Variants in ANKRD11 observed in about 807,000 individuals in gnomAD.
ANKRD11 encodes the protein ankyrin repeat domain-containing protein 11.
A neutral mutation model predicts 195.7 loss-of-function variants in ANKRD11; 17 were observed. That is an observed-to-expected ratio of 0.09 (90% confidence interval 0.06 to 0.13). The LOEUF (loss-of-function observed/expected upper bound fraction) is 0.13, where lower values mean the gene tolerates loss of function less well. ANKRD11 is among the 10% of genes least tolerant of loss of function. The pLI, the probability that ANKRD11 is intolerant of heterozygous loss-of-function variation, is 1.00. For synonymous variants in ANKRD11, 1,953 were observed against 1,528.1 expected (o/e 1.28, Z -6.49); for missense variants, 3,735 against 3,566.1 (o/e 1.05, Z -1.21).
At chr16:89,269,875 T>A (rs2151669576) in intron 12 of ANKRD11, 1 of 152,286 alleles carries the variant, frequency 6.6e-6, no homozygotes, top group Non-Finnish European at 1.5e-5. Flanking sequence ...GGATTACAGG[T>A]GTGAGCAACC....
At chr16:89,375,881 G>A (rs1263571761) in intron 2 of ANKRD11, among the ~76,000 whole-genome samples, 2 of 151,336 alleles carry the variant, frequency 1.3e-5, no homozygotes, top group African/African-American at 2.4e-5. Context: ...TGCCACTAGC[G>A]ATGCTGGCAG....
chr16:89,313,456 T>G (rs1428539626), intron 3 of ANKRD11: 49 of 1,289,186 alleles, frequency 3.8e-5, no homozygotes, highest in Non-Finnish European at 4.9e-5. Flanking sequence ...CCTGCCACTG[T>G]GCTCACTGGT....
At chr16:89,411,140 G>A (rs1392416939) in intron 2 of ANKRD11, among the ~76,000 whole-genome samples, 2 of 152,274 alleles carry the variant, frequency 1.3e-5, no homozygotes, top group African/African-American at 2.4e-5. Flanking sequence ...CAGCAGCACA[G>A]GGGCTCGGGC....
intron 4 of ANKRD11, among the ~76,000 whole-genome samples, chr16:89,302,488 T>A (rs1371895661): frequency 6.6e-6 from 1 of 152,168 alleles, no homozygotes; most frequent in Non-Finnish European, 1.5e-5. Context: ...CCTGACCTTG[T>A]GATCTGCCCG....
At chr16:89,405,334 CTG>C (rs1434264649) in intron 2 of ANKRD11, among the ~76,000 whole-genome samples, 1 of 152,048 alleles carries the variant, frequency 6.6e-6, no homozygotes, top group African/African-American at 2.4e-5. Flanking sequence ...ACATAGGTAA[CTG>C]TTTTTGAGAC....
intron 2 of ANKRD11, among the ~76,000 whole-genome samples, chr16:89,320,582 A>G (rs2037253462): frequency 1.3e-5 from 2 of 152,134 alleles, no homozygotes; most frequent in Admixed American, 1.3e-4. Context: ...CAACCGTCCC[A>G]GCTTCGTGGA....
intron 2 of ANKRD11, among the ~76,000 whole-genome samples, chr16:89,330,363 A>G (rs2037982365): frequency 6.6e-6 from 1 of 151,910 alleles, no homozygotes; most frequent in African/African-American, 2.4e-5. Context: ...GTGCTAGGGG[A>G]GCCAGTGGAG....
At chr16:89,426,200 A>C (rs188394551) in intron 1 of ANKRD11, among the ~76,000 whole-genome samples, 1 of 152,180 alleles carries the variant, frequency 6.6e-6, no homozygotes, top group Non-Finnish European at 1.5e-5. Flanking sequence ...ATACACAGCT[A>C]TAACAAAAAA....
At chr16:89,308,163 T>G (rs961633171) in intron 3 of ANKRD11, among the ~76,000 whole-genome samples, 1 of 152,114 alleles carries the variant, frequency 6.6e-6, no homozygotes, top group Non-Finnish European at 1.5e-5. Flanking sequence ...TAAACCAACA[T>G]ACCTTATGAA....
intron 9 of ANKRD11, among the ~76,000 whole-genome samples, chr16:89,275,918 C>T (rs1045301694): frequency 6.6e-6 from 1 of 152,198 alleles, no homozygotes; most frequent in African/African-American, 2.4e-5. Flanking sequence ...CTGAGCCCCG[C>T]AGTGCAGCAG....
At chr16:89,365,566 G>C (rs1016630788) in intron 2 of ANKRD11, among the ~76,000 whole-genome samples, 1 of 152,178 alleles carries the variant, frequency 6.6e-6, no homozygotes, top group Admixed American at 6.5e-5. Context: ...ATATTTCCAA[G>C]CTCTTATGTC....
intron 2 of ANKRD11, among the ~76,000 whole-genome samples, chr16:89,341,901 C>T (rs1567673630): frequency 7.5e-6 from 1 of 133,126 alleles, no homozygotes; most frequent in Non-Finnish European, 1.5e-5. Flanking sequence ...TGCACCTCCA[C>T]CCACAGCGGC....
chr16:89,487,123 TATCAAAC>T (rs1402194265), intron 1 of ANKRD11, among the ~76,000 whole-genome samples: 1 of 152,224 alleles, frequency 6.6e-6, no homozygotes, highest in Non-Finnish European at 1.5e-5. Context: ...CTATAAAGTT[TATCAAAC>T]GGGCCACACT....
In ANKRD11 at chr16:89,280,068, T is replaced by A. The variant is rs1453564938; in HGVS notation, c.6474A>T (p.Glu2158Asp). 1.2e-6 allele frequency: 2 copies of A among 1,613,062 alleles called. No individual in the cohort carries two copies. The change falls in exon 9 of 13, where the codon GAA (glutamate) becomes GAT (aspartate). Residue 2158 changes from glutamate to aspartate, a missense_variant. Physicochemically the swap from Glu to Asp is conservative, Grantham distance 45. Transcript: ENST00000301030. ...GCATCTCTTCTGGAGGAGCAAGACT[T>A]TCTTCCACGGGTTCCGCTTCACCAT... ...AADGEAEPVEESLAPPEEMPP... is the reference protein window; with the variant it reads ...AADGEAEPVEDSLAPPEEMPP...
intron 1 of ANKRD11, among the ~76,000 whole-genome samples, chr16:89,435,072 C>T (rs541673899): frequency 6.6e-5 from 10 of 152,324 alleles, no homozygotes; most frequent in South Asian, 6.2e-4. Flanking sequence ...TTGGAAAACT[C>T]TTCTGTCTAG....
chr16:89,329,671 C>T (rs933532426), intron 2 of ANKRD11, among the ~76,000 whole-genome samples: 11 of 152,212 alleles, frequency 7.2e-5, no homozygotes, highest in African/African-American at 2.4e-4. Flanking sequence ...CTTTCATAAA[C>T]CTTGTTTTGT....
chr16:89,325,964 A>T (rs1427420770), intron 2 of ANKRD11, among the ~76,000 whole-genome samples: 1 of 152,218 alleles, frequency 6.6e-6, no homozygotes, highest in African/African-American at 2.4e-5. Flanking sequence ...AGGCCTAGCC[A>T]TGCCCAATAC....
In ANKRD11 at chr16:89,487,673, C is replaced by G. The variant is rs2057665852; in HGVS notation, c.-145+2572G>C. ...CCTGTAATCCCAGCTACTCGGGAGG[C>G]TGAGGCAGAGAACTGCTTGAACCCC... On this transcript the variant is annotated intron_variant, in intron 1 of 12. Coordinates refer to ENST00000301030, the MANE Select transcript of ANKRD11 (RefSeq NM_013275.6). Among the ~76,000 whole-genome samples the G allele has an allele frequency of 2.0e-5, 3 of 152,034 alleles. No individual in the cohort carries two copies. The South Asian group carries it at 6.2e-4, about 32-fold the overall frequency.
intron 1 of ANKRD11, among the ~76,000 whole-genome samples, chr16:89,479,967 C>T (rs2057389927): frequency 6.7e-6 from 1 of 149,374 alleles, no homozygotes; most frequent in African/African-American, 2.5e-5. Flanking sequence ...AAAAACTAGC[C>T]GGGCGTGATG....
Sources: gnomAD v4.1 joint callset for allele counts (sites outside exome capture counted in the v4.1 genomes callset) on GRCh38, gnomAD v4.1.1 for gene constraint, MANE v1.5 for transcripts, NCBI Gene and HGNC (gene_info 2026-07-23, HGNC 2026-07-21) for gene names.